MYH10: variants seen among roughly 807,000 people sequenced by gnomAD.
MYH10 encodes myosin heavy chain 10, also known as myosin-10.
Under a neutral mutation model 257.8 loss-of-function variants are expected in MYH10, and 55 were observed. The observed-to-expected ratio is 0.21, with a 90% CI of 0.17 to 0.27. The LOEUF is 0.27. Ranked by LOEUF, MYH10 falls within the 10% of genes least tolerant of loss-of-function variation. MYH10 has a pLI of 1.00. For missense variants in MYH10, 1,631 were observed against 2,500.6 expected (o/e 0.65, Z 7.42); for synonymous variants, 854 against 921.7 (o/e 0.93, Z 1.33).
intron 24 of MYH10, among the ~76,000 whole-genome samples, chr17:8,511,956 C>A (rs1380921582): frequency 6.6e-6 from 1 of 152,200 alleles, no homozygotes; most frequent in East Asian, 1.9e-4. Context: ...AAAATTGTGC[C>A]TCATGAGTAC....
At chr17:8,536,747 C>T (rs1384679259) in intron 14 of MYH10, among the ~76,000 whole-genome samples, 4 of 147,088 alleles carry the variant, frequency 2.7e-5, no homozygotes, top group East Asian at 2.0e-4. Flanking sequence ...TGCAGTGAGC[C>T]GAGATGGTGC....
chr17:8,605,742 C>CACAAACAAACAA (rs537193543), intron 2 of MYH10, among the ~76,000 whole-genome samples: 9 of 151,976 alleles, frequency 5.9e-5, no homozygotes, highest in African/African-American at 2.2e-4. Flanking sequence ...GAGACTCCAT[C>CACAAACAAACAA]ACAAACAAAC....
chr17:8,530,561 C>T lies in MYH10; in HGVS notation c.1957+62G>A, dbSNP rs554002336. ...CGGCCACCCTGCCAGTCCCCCCACA[C>T]GTTTTTCCTGTGGGCTTAAAACCCT... On this transcript the variant is annotated intron_variant, in intron 17 of 42. Transcript: ENST00000360416. The T allele has an allele frequency of 1.1e-3, 1,154 of 1,074,596 alleles. 13 individuals are homozygous for T. In the African/African-American group the frequency reaches 0.017, roughly 15 times the overall value. The allele number at this position is 1,074,596 out of a possible 1,614,324, so 66.6% of individuals were successfully genotyped here. A position where few individuals can be genotyped will look rare whatever the true frequency, so the allele number is the denominator to read the frequency against.
chr17:8,490,631 G>A lies in MYH10; in HGVS notation c.4672-79C>T, dbSNP rs1203413549. On this transcript the variant is annotated intron_variant, in intron 34 of 42. Coordinates refer to ENST00000360416, the MANE Select transcript of MYH10 (RefSeq NM_001256012.3). This position sits in a 1 kb window ranked among gnomAD's most constrained non-coding sequence, Gnocchi z 4.1. Reference sequence around the variant, plus strand: ...GAACAGCAGTCTTACTGTTTTACAGGCCCACTCGTGGCATGCTGGCCACTT... The same window carrying A: ...GAACAGCAGTCTTACTGTTTTACAGACCCACTCGTGGCATGCTGGCCACTT... 12 of 1,448,526 alleles carry A rather than the reference G, an allele frequency of 8.3e-6. No individual in the cohort carries two copies. The highest frequency in any genetic ancestry group is 1.2e-5 in the Non-Finnish European group (12 of 1,037,176). The allele number at this position is 1,448,526 out of a possible 1,614,324, so 89.7% of individuals were successfully genotyped here.
chr17:8,588,897 C>T (rs1167853299), intron 4 of MYH10, among the ~76,000 whole-genome samples, 184 bp downstream of exon 4: 2 of 152,196 alleles, frequency 1.3e-5, no homozygotes, highest in African/African-American at 4.8e-5. Flanking sequence ...AAAGCCCAGA[C>T]TGACAACCAA....
At chr17:8,582,454 A>G (rs1336999487) in intron 4 of MYH10, among the ~76,000 whole-genome samples, 1 of 152,216 alleles carries the variant, frequency 6.6e-6, no homozygotes, top group Non-Finnish European at 1.5e-5. Context: ...GGTCTAAGAC[A>G]GGACTATGGT....
At chr17:8,493,058 G>C in intron 32 of MYH10, 34 bp from the exon 33 acceptor site, 1 of 1,599,764 alleles carries the variant, frequency 6.3e-7, no homozygotes, top group Non-Finnish European at 8.5e-7. Context: ...AGAAAGCTCA[G>C]TATTAATGTA....
chr17:8,575,444 C>T (rs1311929883), intron 6 of MYH10, among the ~76,000 whole-genome samples: 1 of 152,110 alleles, frequency 6.6e-6, no homozygotes, highest in African/African-American at 2.4e-5. Flanking sequence ...GGCAAAGAAG[C>T]TTTTAAATAC....
At chr17:8,614,428 C>CT (rs2085175745) in intron 2 of MYH10, among the ~76,000 whole-genome samples, 1 of 144,236 alleles carries the variant, frequency 6.9e-6, no homozygotes, top group Admixed American at 7.4e-5. Flanking sequence ...AGGCTATTCT[C>CT]TGTCCTCAGC....
intron 23 of MYH10, 40 bp from the exon 24 acceptor site, chr17:8,512,697 C>T (rs1177460837): frequency 6.6e-7 from 1 of 1,522,880 alleles, no homozygotes; most frequent in Non-Finnish European, 9.0e-7. Context: ...GCCCCTATTA[C>T]ATACGTACAC....
rs1915023805 is a variant in MYH10, at chr17:8,487,373, T to A, written c.5046+60A>T. On this transcript the variant is annotated intron_variant, in intron 36 of 42. Coordinates refer to ENST00000360416, the MANE Select transcript of MYH10 (RefSeq NM_001256012.3). Reference sequence around the variant, plus strand: ...CCCCCAGCTTCACTGCTGGACTCTGTGTAAAAGCCACATAGGTCACGTGGT... The same window carrying A: ...CCCCCAGCTTCACTGCTGGACTCTGAGTAAAAGCCACATAGGTCACGTGGT... The A allele has an allele frequency of 6.9e-6, 11 of 1,600,934 alleles. No individual in the cohort carries two copies. The South Asian group carries it at 1.2e-4, about 18-fold the overall frequency.
chr17:8,562,363 G>A (rs1423293124), intron 7 of MYH10, among the ~76,000 whole-genome samples: 3 of 152,246 alleles, frequency 2.0e-5, no homozygotes, highest in Non-Finnish European at 4.4e-5. Flanking sequence ...GCGGCAGGCC[G>A]AGGGGAGAGA....
intron 14 of MYH10, among the ~76,000 whole-genome samples, chr17:8,540,912 C>T (rs1253190375): frequency 6.6e-6 from 1 of 152,200 alleles, no homozygotes; most frequent in Non-Finnish European, 1.5e-5. Flanking sequence ...CATGCCACCT[C>T]TAAATGACCC....
At chr17:8,546,701 C>T (rs1445701283) in intron 11 of MYH10, 39 bp from the exon 12 acceptor site, 2 of 1,463,072 alleles carry the variant, frequency 1.4e-6, no homozygotes, top group Non-Finnish European at 9.6e-7. Context: ...ACATTTTTTA[C>T]TTACAATCTA....
chr17:8,548,870 G>T, intron 9 of MYH10, 83 bp from the exon 10 acceptor site: 2 of 1,246,162 alleles, frequency 1.6e-6, no homozygotes, highest in Non-Finnish European at 2.3e-6. Context: ...CTGTGCCAGT[G>T]TCACAGGAGA....
intron 3 of MYH10, among the ~76,000 whole-genome samples, chr17:8,591,177 T>C (rs886186671): frequency 6.6e-6 from 1 of 152,160 alleles, no homozygotes; most frequent in African/African-American, 2.4e-5. Context: ...TGGCCAATGT[T>C]GCCTTCTTTT....
intron 2 of MYH10, among the ~76,000 whole-genome samples, chr17:8,612,466 A>G (rs1050099158): frequency 1.3e-5 from 2 of 152,216 alleles, no homozygotes; most frequent in Admixed American, 6.5e-5. Flanking sequence ...AACCACTTAC[A>G]TAACTTTTAT....
At position 8,481,395 on chromosome 17, in the gene MYH10, C is replaced by G. The variant is rs765615644; in HGVS notation, c.5191G>C (p.Glu1731Gln). The change falls in exon 38 of 43, where the codon GAG becomes CAG. Residue 1731 changes from glutamate (E) to glutamine (Q), a missense_variant. By Grantham distance (29) the Glu-to-Gln change is conservative. This residue lies in a region of MYH10 where 343 missense variants were observed against 389.5 expected (regional missense o/e 0.88). Transcript: ENST00000360416. ...LQLQEELASSERARRHAEQER... is the reference protein window; with the variant it reads ...LQLQEELASSQRARRHAEQER... ...TGCTCGGCGTGTCGGCGGGCTCGCT[C>G]AGATGAGGCAAGTTCCTAAGCAGTG... 53 of 1,613,944 alleles carry G rather than the reference C, an allele frequency of 3.3e-5. No homozygotes were observed. Among genetic ancestry groups the G allele is most frequent in the Non-Finnish European group, 4.3e-5 (51 of 1,180,032 alleles).
chr17:8,476,060 A>G, intron 42 of MYH10, 112 bp from the exon 43 acceptor site: 1 of 1,243,824 alleles, frequency 8.0e-7, no homozygotes, highest in Non-Finnish European at 1.1e-6. Flanking sequence ...CCCTCCTCGG[A>G]CACACGACCT....
Sources: allele counts gnomAD v4.1 joint callset (sites outside exome capture counted in the v4.1 genomes callset), GRCh38; gene constraint gnomAD v4.1.1; regional missense constraint gnomAD v4.1.1; non-coding constraint Gnocchi (gnomAD v3.1); transcripts MANE v1.5; gene names NCBI Gene and HGNC (gene_info 2026-07-23, HGNC 2026-07-21).